Variants in PGGT1B observed in about 807,000 individuals in gnomAD.
PGGT1B encodes the protein geranylgeranyl transferase type-1 subunit beta.
PGGT1B carries 30 observed loss-of-function variants against 46.1 expected under a neutral mutation model. The ratio of observed to expected loss-of-function variants is 0.65; its 90% CI spans 0.49 to 0.88. The LOEUF (loss-of-function observed/expected upper bound fraction) is 0.88, where lower values mean the gene tolerates loss of function less well. Among genes scored for constraint, PGGT1B ranks in the 40% least tolerant of loss-of-function variants. PGGT1B has a pLI of 0.00. For missense variants in PGGT1B, 376 were observed against 455.9 expected, an observed-to-expected ratio of 0.82 and a Z score of 1.60; for synonymous variants, 170 against 160.0, an observed-to-expected ratio of 1.06 and a Z score of -0.47.
chr5:115,231,950 C>T lies in PGGT1B; in HGVS notation c.613-929G>A, dbSNP rs920233361. ...CATCGCGATCAGTGATCAATCATAC[C>T]ACCTTTTTCAAAGTCTGTTAGGAAT... On this transcript the variant is annotated intron_variant, in intron 5 of 8. Transcript: ENST00000419445. Among the ~76,000 whole-genome samples, 11 of 152,114 alleles carry T rather than the reference C, an allele frequency of 7.2e-5. 1 individual carries two copies. The highest frequency in any genetic ancestry group is 2.0e-4 in the Admixed American group (3 of 15,236).
chr5:115,225,901 G>A (rs376603242), intron 6 of PGGT1B, among the ~76,000 whole-genome samples: 171 of 151,926 alleles, frequency 1.1e-3, no homozygotes, highest in South Asian at 1.9e-3. Flanking sequence ...CACCCACATC[G>A]GCCTCCCAAA....
intron 2 of PGGT1B, among the ~76,000 whole-genome samples, chr5:115,246,959 AAT>A (rs1199808176): frequency 6.6e-6 from 1 of 152,158 alleles, no homozygotes; most frequent in African/African-American, 2.4e-5. Context: ...ACATGGATGT[AAT>A]ATGTGTGTGT....
At chr5:115,244,873 G>C (rs2127020069) in intron 2 of PGGT1B, among the ~76,000 whole-genome samples, 1 of 152,216 alleles carries the variant, frequency 6.6e-6, no homozygotes, top group Middle Eastern at 3.4e-3. Flanking sequence ...TTACAGGCAG[G>C]AGCCCACCGC....
intron 7 of PGGT1B, among the ~76,000 whole-genome samples, chr5:115,221,374 A>G (rs1370189745): frequency 6.6e-6 from 1 of 151,978 alleles, no homozygotes; most frequent in Admixed American, 6.6e-5. Flanking sequence ...GAAGGTTTAA[A>G]CAAATAAATA....
chr5:115,238,084 G>A (rs550220102), intron 3 of PGGT1B, 75 bp from the exon 4 acceptor site: 125 of 1,074,332 alleles, frequency 1.2e-4, no homozygotes, highest in Admixed American at 3.1e-4. Context: ...TCTGACATAA[G>A]GTTTTAGTAA....
chr5:115,239,189 C>T (rs1757277565), intron 3 of PGGT1B, among the ~76,000 whole-genome samples: 1 of 152,054 alleles, frequency 6.6e-6, no homozygotes, highest in Non-Finnish European at 1.5e-5. Flanking sequence ...ACTACAGGCA[C>T]CTGCCACCAC....
intron 5 of PGGT1B, among the ~76,000 whole-genome samples, chr5:115,234,700 T>C (rs1237523047): frequency 6.6e-6 from 1 of 151,964 alleles, no homozygotes; most frequent in Non-Finnish European, 1.5e-5. Flanking sequence ...AAAGAACCAA[T>C]GTATTCTGGG....
chr5:115,225,351 C>T (rs1361329925), intron 6 of PGGT1B, among the ~76,000 whole-genome samples: 2 of 152,074 alleles, frequency 1.3e-5, no homozygotes, highest in Non-Finnish European at 2.9e-5. Flanking sequence ...CTTAACCTAC[C>T]CCAATTCTTC....
chr5:115,217,605 G>A (rs1448907485), intron 7 of PGGT1B, among the ~76,000 whole-genome samples: 1 of 151,908 alleles, frequency 6.6e-6, no homozygotes. Flanking sequence ...AAGATGAGGT[G>A]CACAGTAGGT....
At chr5:115,262,146 A>C (rs948249432) in intron 1 of PGGT1B, among the ~76,000 whole-genome samples, 1 of 152,208 alleles carries the variant, frequency 6.6e-6, no homozygotes, top group Non-Finnish European at 1.5e-5. Context: ...GAAGTCGCTT[A>C]GTCTCTGCCG....
intron 6 of PGGT1B, among the ~76,000 whole-genome samples, chr5:115,225,007 A>T (rs941419023): frequency 1.3e-5 from 2 of 152,120 alleles, no homozygotes; most frequent in African/African-American, 2.4e-5. Flanking sequence ...TAGATCAATG[A>T]TGTGTACACA....
Position 115,253,359 on chromosome 5 carries a change from T to C in PGGT1B, c.141-104A>G, listed in dbSNP as rs1018230388. Reference sequence around the variant, plus strand: ...TAAAATCATTCTAATTTTCCAATAATTTAAACAATACTTCCACCTTGCAAA... The same window carrying C: ...TAAAATCATTCTAATTTTCCAATAACTTAAACAATACTTCCACCTTGCAAA... On this transcript the variant is annotated intron_variant, in intron 1 of 8. Coordinates refer to ENST00000419445, the MANE Select transcript of PGGT1B (RefSeq NM_005023.4). 8.5e-5 allele frequency: 82 copies of C among 966,066 alleles called. 1 individual carries two copies. In the Admixed American group the frequency reaches 1.0e-3, roughly 12 times the overall value. 59.8% of individuals were successfully genotyped at this position (966,066 alleles called of 1,614,324 possible). A position where few individuals can be genotyped will look rare whatever the true frequency, so the allele number is the denominator to read the frequency against.
chr5:115,237,472 C>CA (rs1273019619), intron 4 of PGGT1B, among the ~76,000 whole-genome samples: 6 of 152,122 alleles, frequency 3.9e-5, no homozygotes, highest in Non-Finnish European at 8.8e-5. Context: ...ATACAATATT[C>CA]AGTGTTCACC....
rs1216853475 is a variant in PGGT1B, at chr5:115,207,555, GCTGT to G, written c.*4843_*4846del. On this transcript the variant is annotated 3_prime_UTR_variant, in exon 9 of 9. Transcript: ENST00000419445. ...CTGATTTCTGACACCATACATAGAT[GCTGT>G]CTGTTTTGAACTTCACCGAAATGGA... 1 of 152,018 alleles carries G rather than the reference GCTGT, an allele frequency of 6.6e-6. No individual in the cohort carries two copies. The highest frequency in any genetic ancestry group is 2.4e-5 in the African/African-American group (1 of 41,416). The allele number at this position is 152,018 out of a possible 1,614,324, so 9.4% of individuals were successfully genotyped here.
chr5:115,222,722 A>C (rs1295709453), intron 6 of PGGT1B, among the ~76,000 whole-genome samples: 5 of 152,252 alleles, frequency 3.3e-5, no homozygotes, highest in Non-Finnish European at 7.3e-5. Context: ...CTTGGAATCA[A>C]CCCAAACATC....
chr5:115,225,810 TA>T (rs1178353456), intron 6 of PGGT1B, among the ~76,000 whole-genome samples: 1 of 151,870 alleles, frequency 6.6e-6, no homozygotes, highest in Non-Finnish European at 1.5e-5. Context: ...CACATTTGGC[TA>T]ATTTTTTTTG....
At chr5:115,217,946 T>C (rs1417674104) in intron 7 of PGGT1B, among the ~76,000 whole-genome samples, 1 of 152,106 alleles carries the variant, frequency 6.6e-6, no homozygotes, top group East Asian at 1.9e-4. Flanking sequence ...TATCCCATAA[T>C]AAGTGTTGAT....
At chr5:115,231,095 G>T in intron 5 of PGGT1B, 74 bp from the exon 6 acceptor site, 2 of 764,008 alleles carry the variant, frequency 2.6e-6, no homozygotes, top group South Asian at 4.3e-5. Context: ...AGTTGCCAAT[G>T]AACTAAGTTT....
intron 7 of PGGT1B, 75 bp from the exon 8 acceptor site, chr5:115,217,048 G>C: frequency 1.4e-6 from 1 of 716,476 alleles, no homozygotes; most frequent in Non-Finnish European, 2.5e-6. Context: ...TCAGATACGT[G>C]TCATTTAGAT....
Sources: allele counts gnomAD v4.1 joint callset (sites outside exome capture counted in the v4.1 genomes callset), GRCh38; gene constraint gnomAD v4.1.1; transcripts MANE v1.5; gene names NCBI Gene and HGNC (gene_info 2026-07-23, HGNC 2026-07-21).